The following ZNF610 variants were observed in gnomAD, a reference collection of about 807,000 sequenced individuals.
ZNF610 encodes zinc finger protein 610, also known as zink finger protein.
Under a neutral mutation model 14.1 loss-of-function variants are expected in ZNF610, and 14 were observed. That is an observed-to-expected ratio of 0.99 (90% CI 0.65 to 1.55). ZNF610 has a LOEUF of 1.55. ZNF610 is among the 40% of genes most tolerant of loss of function. ZNF610 has a pLI of 0.00. For synonymous variants in ZNF610, 185 were observed against 187.6 expected, an observed-to-expected ratio of 0.99 and a Z score of 0.11; for missense variants, 530 against 558.0, an observed-to-expected ratio of 0.95 and a Z score of 0.51.
Position 52,336,265 on chromosome 19 carries a change from T to A in ZNF610, c.-499T>A, listed in dbSNP as rs1984370334. 7.4e-6 allele frequency: 2 copies of A among 270,110 alleles called. No individual in the cohort carries two copies. Among genetic ancestry groups the A allele is most frequent in the Non-Finnish European group, 1.4e-5 (2 of 141,624 alleles). 16.7% of individuals were successfully genotyped at this position (270,110 alleles called of 1,614,324 possible). A position where few individuals can be genotyped will look rare whatever the true frequency, so the allele number is the denominator to read the frequency against. On this transcript the variant is annotated 5_prime_UTR_variant, in exon 1 of 6. Transcript: ENST00000403906. ...TTTGCAGACCCGGAAGCGGATCGCGTGGGTAGAAGGTCACACCGCAGCGCG... is the reference window on the plus strand; with the variant it reads ...TTTGCAGACCCGGAAGCGGATCGCGAGGGTAGAAGGTCACACCGCAGCGCG...
intron 5 of ZNF610, among the ~76,000 whole-genome samples, chr19:52,355,810 GAT>G: frequency 6.6e-6 from 1 of 152,362 alleles, no homozygotes; most frequent in Admixed American, 6.5e-5. Flanking sequence ...TGGACAGCCA[GAT>G]GAGGAGATTC....
At chr19:52,332,098 G>C (rs1287676243), upstream of ZNF610, among the ~76,000 whole-genome samples, 1 of 152,206 alleles carries the variant, frequency 6.6e-6, no homozygotes, top group Non-Finnish European at 1.5e-5. The surrounding 1 kb of genome is among the most constrained non-coding windows in gnomAD (Gnocchi z 4.1). Context: ...GCGGATATAA[G>C]GTCAGTGCCC....
intron 1 of ZNF610, among the ~76,000 whole-genome samples, chr19:52,340,642 A>G (rs1375001556): frequency 1.3e-5 from 2 of 149,904 alleles, no homozygotes; most frequent in African/African-American, 4.9e-5. Flanking sequence ...TCCCTCCTCT[A>G]TGGTGTCGTT....
intron 5 of ZNF610, among the ~76,000 whole-genome samples, chr19:52,365,021 A>G (rs953174306): frequency 1.3e-5 from 2 of 151,272 alleles, no homozygotes; most frequent in Non-Finnish European, 2.9e-5. Context: ...CAAGGCAGGC[A>G]GATTGCCTGA....
chr19:52,343,524 G>T (rs1984785830), intron 1 of ZNF610, among the ~76,000 whole-genome samples: 1 of 151,732 alleles, frequency 6.6e-6, no homozygotes, highest in Non-Finnish European at 1.5e-5. Context: ...CCGATATCAT[G>T]CTATTGCACT....
chr19:52,366,105 C>G lies in ZNF610; in HGVS notation c.727C>G (p.Arg243Gly). ...KCTECGKVFS[R>G]NSHLVEHWRI... ...TACTGAATGTGGCAAGGTCTTCAGT[C>G]GCAATTCACACCTTGTAGAACATTG... is the stretch of plus-strand genomic sequence containing the variant. The change falls in exon 6 of 6, where the codon CGC (arginine) becomes GGC (glycine). Residue 243 changes from arginine (R) to glycine (G), a missense_variant. Coordinates refer to ENST00000403906, the MANE Select transcript of ZNF610 (RefSeq NM_001161425.2). 6.2e-7 allele frequency: 1 copy of G among 1,614,066 alleles called. No homozygotes were observed. The highest frequency in any genetic ancestry group is 8.5e-7 in the Non-Finnish European group (1 of 1,180,012).
At chr19:52,344,712 G>A (rs1984851799) in intron 1 of ZNF610, among the ~76,000 whole-genome samples, 1 of 152,206 alleles carries the variant, frequency 6.6e-6, no homozygotes, top group Non-Finnish European at 1.5e-5. Context: ...ATATTACACA[G>A]AAAGTTCCAA....
intron 3 of ZNF610, 133 bp downstream of exon 3, chr19:52,349,368 T>G: frequency 7.3e-7 from 1 of 1,361,048 alleles, no homozygotes; most frequent in Non-Finnish European, 1.0e-6. Context: ...ATTCTATCTC[T>G]CGTGACCCAG....
chr19:52,335,901 C>T (rs76166826), upstream of ZNF610, among the ~76,000 whole-genome samples: 29 of 152,284 alleles, frequency 1.9e-4, no homozygotes, highest in East Asian at 5.6e-3. Flanking sequence ...ACTGGGTCTA[C>T]ACTACGCCCA....
intron 5 of ZNF610, among the ~76,000 whole-genome samples, chr19:52,362,256 C>T (rs935013533): frequency 2.6e-5 from 4 of 152,184 alleles, no homozygotes; most frequent in African/African-American, 9.6e-5. Flanking sequence ...ACTAAAAATA[C>T]GAAAGTTAGC....
intron 1 of ZNF610, among the ~76,000 whole-genome samples, chr19:52,342,194 C>T (rs1308154803): frequency 1.3e-5 from 2 of 152,190 alleles, no homozygotes; most frequent in Non-Finnish European, 2.9e-5. Context: ...TTTCCCACGT[C>T]AGCCTCCCAA....
At chr19:52,342,621 G>A (rs576938738) in intron 1 of ZNF610, among the ~76,000 whole-genome samples, 1 of 151,314 alleles carries the variant, frequency 6.6e-6, no homozygotes, top group Non-Finnish European at 1.5e-5. Context: ...CCGGGTTCAA[G>A]TGATTCTCCC....
chr19:52,363,160 C>G (rs1031469902), intron 5 of ZNF610, among the ~76,000 whole-genome samples: 106 of 151,116 alleles, frequency 7.0e-4, no homozygotes, highest in African/African-American at 2.5e-3. Context: ...TAGTCTCACC[C>G]TGTTGCCTAC....
upstream of ZNF610, among the ~76,000 whole-genome samples, chr19:52,334,960 A>ACACACACAGACACACACACAG (rs59969071): frequency 7.3e-6 from 1 of 136,454 alleles, no homozygotes; most frequent in Non-Finnish European, 1.6e-5. Context: ...CACACACACA[A>ACACACACAGACACACACACAG]TGTAATTTAC....
At chr19:52,354,018 C>T (rs975365869) in intron 4 of ZNF610, among the ~76,000 whole-genome samples, 1 of 152,120 alleles carries the variant, frequency 6.6e-6, no homozygotes, top group Non-Finnish European at 1.5e-5. Context: ...TGGGTGGCAC[C>T]GGATAACCAG....
intron 5 of ZNF610, among the ~76,000 whole-genome samples, chr19:52,360,714 A>G (rs2263901): frequency 0.2 from 30,155 of 152,122 alleles, 3,165 homozygotes; most frequent in East Asian, 0.32. Flanking sequence ...TGCAGGGATC[A>G]ATGTTCCTAA....
Position 52,366,839 on chromosome 19 carries a change from A to G in ZNF610, c.*72A>G. ...AGGACTCAGGAGAAAAACCTTACAA[A>G]TATCATAAATGTGGCAAAGAATTTA... On this transcript the variant is annotated 3_prime_UTR_variant, in exon 6 of 6. Coordinates refer to ENST00000403906, the MANE Select transcript of ZNF610 (RefSeq NM_001161425.2). 8.1e-7 allele frequency: 1 copy of G among 1,226,998 alleles called. No homozygotes were observed. Among genetic ancestry groups the G allele is most frequent in the Non-Finnish European group, 1.1e-6 (1 of 875,948 alleles). 76.0% of individuals were successfully genotyped at this position (1,226,998 alleles called of 1,614,324 possible).
At chr19:52,350,453 A>G (rs1985196925) in intron 3 of ZNF610, among the ~76,000 whole-genome samples, 1 of 151,900 alleles carries the variant, frequency 6.6e-6, no homozygotes, top group Non-Finnish European at 1.5e-5. Context: ...CGAGGCGGAC[A>G]GATCACCTGA....
chr19:52,335,274 C>T (rs1200173838), upstream of ZNF610, among the ~76,000 whole-genome samples: 1 of 152,028 alleles, frequency 6.6e-6, no homozygotes, highest in Admixed American at 6.6e-5. Context: ...AGCGAGACTC[C>T]GTCTCAAGAA....
Sources: gnomAD v4.1 joint callset for allele counts (sites outside exome capture counted in the v4.1 genomes callset) on GRCh38, gnomAD v4.1.1 for gene constraint, Gnocchi (gnomAD v3.1) non-coding constraint, MANE v1.5 for transcripts, NCBI Gene and HGNC (gene_info 2026-07-23, HGNC 2026-07-21) for gene names.